The following AGBL4 variants were observed in gnomAD, a reference collection of about 807,000 sequenced individuals.
The protein encoded by AGBL4 is cytosolic carboxypeptidase 6.
A neutral mutation model predicts 66.4 loss-of-function variants in AGBL4; 58 were observed. That is an observed-to-expected ratio of 0.87 (90% confidence interval 0.71 to 1.09). AGBL4 has a LOEUF of 1.09. Among genes scored for constraint, AGBL4 ranks in the 50% least tolerant of loss-of-function variants. The pLI is 0.00. For synonymous variants in AGBL4, 234 were observed against 222.9 expected (o/e 1.05, Z -0.44); for missense variants, 579 against 631.0 (o/e 0.92, Z 0.88).
chr1:49,124,624 C>T lies in AGBL4; in HGVS notation c.378-78824G>A, dbSNP rs183798216. Reference sequence around the variant, plus strand: ...GTGTGACCCTAGGCAAGTCACCCTTCTGAAACTAGTTTCTTCATGTATCAA... The same window carrying T: ...GTGTGACCCTAGGCAAGTCACCCTTTTGAAACTAGTTTCTTCATGTATCAA... On this transcript the variant is annotated intron_variant, in intron 4 of 13. Transcript: ENST00000371839. Among the ~76,000 whole-genome samples, 32 of 152,298 alleles carry T rather than the reference C, an allele frequency of 2.1e-4. 1 individual carries two copies. The East Asian group carries it at 2.5e-3, about 12-fold the overall frequency.
In AGBL4 at chr1:48,586,945, A is replaced by G. The variant is rs377438654; in HGVS notation, c.1267+59T>C. The G allele has an allele frequency of 2.5e-5, 40 of 1,601,802 alleles. No homozygotes were observed. In the African/African-American group the frequency reaches 5.2e-4, roughly 21 times the overall value. On this transcript the variant is annotated intron_variant, in intron 11 of 13. Coordinates refer to ENST00000371839, the MANE Select transcript of AGBL4 (RefSeq NM_032785.4). ...GGGGGCCTAATTCCTGACCTGTCAG[A>G]CTTGGATACTCTCGGCTGGATGAGG... is the stretch of plus-strand genomic sequence containing the variant.
At chr1:49,143,317 TG>T (rs2148101020) in intron 4 of AGBL4, among the ~76,000 whole-genome samples, 1 of 152,298 alleles carries the variant, frequency 6.6e-6, no homozygotes, top group South Asian at 2.1e-4. Flanking sequence ...CATCTCCTCA[TG>T]AATATTTCAA....
intron 5 of AGBL4, among the ~76,000 whole-genome samples, chr1:49,013,265 G>T (rs1662584390): frequency 1.3e-5 from 2 of 152,192 alleles, no homozygotes; most frequent in Admixed American, 6.5e-5. Context: ...TATCCTGGGG[G>T]TGTCCAGGAA....
chr1:48,955,105 C>T (rs544015997), intron 5 of AGBL4, among the ~76,000 whole-genome samples: 3 of 152,284 alleles, frequency 2.0e-5, no homozygotes, highest in South Asian at 4.1e-4. Flanking sequence ...TATACACATG[C>T]TTCAAGCTTA....
chr1:48,749,970 A>G (rs1225187082), intron 6 of AGBL4, among the ~76,000 whole-genome samples: 2 of 152,204 alleles, frequency 1.3e-5, no homozygotes, highest in Non-Finnish European at 2.9e-5. Flanking sequence ...GGCTGCTCCC[A>G]GTTTCCTGAG....
In AGBL4 at chr1:49,745,929, C is replaced by G. The variant is rs369753270; in HGVS notation, c.158-48492G>C. ...CTGTACCCCAAAACAGGAGAACACA[C>G]AATCAGTTCAGATGAACACAAAACA... On this transcript the variant is annotated intron_variant, in intron 2 of 13. Coordinates refer to ENST00000371839, the MANE Select transcript of AGBL4 (RefSeq NM_032785.4). Among the ~76,000 whole-genome samples, 240 of 152,108 alleles carry G rather than the reference C, an allele frequency of 1.6e-3. 1 individual carries two copies. The highest frequency in any genetic ancestry group is 4.9e-3 in the African/African-American group (205 of 41,546).
intron 6 of AGBL4, among the ~76,000 whole-genome samples, chr1:48,743,179 G>A (rs1015013784): frequency 3.9e-5 from 6 of 152,242 alleles, no homozygotes; most frequent in South Asian, 2.1e-4. Flanking sequence ...GGAGAAGGCC[G>A]TAACAGAAGA....
intron 4 of AGBL4, among the ~76,000 whole-genome samples, chr1:49,240,951 G>A (rs1651180943): frequency 6.6e-6 from 1 of 151,774 alleles, no homozygotes; most frequent in Non-Finnish European, 1.5e-5. Context: ...CCCTTCTGTT[G>A]TTCATGCCAG....
At chr1:48,633,374 G>T (rs1247011750) in intron 9 of AGBL4, among the ~76,000 whole-genome samples, 1 of 152,164 alleles carries the variant, frequency 6.6e-6, no homozygotes, top group East Asian at 1.9e-4. Flanking sequence ...TTACATTGGT[G>T]CATCTCTGAA....
At chr1:48,925,866 T>C (rs1215976756) in intron 5 of AGBL4, among the ~76,000 whole-genome samples, 2 of 152,166 alleles carry the variant, frequency 1.3e-5, no homozygotes, top group Non-Finnish European at 2.9e-5. Context: ...TGTAACTGTA[T>C]AGAAGTTTTT....
intron 4 of AGBL4, among the ~76,000 whole-genome samples, chr1:49,163,488 T>C (rs887471871): frequency 1.3e-5 from 2 of 152,240 alleles, no homozygotes; most frequent in Non-Finnish European, 1.5e-5. Flanking sequence ...ATTTTTATGG[T>C]TGACCACATT....
chr1:49,999,499 T>C (rs1463337951), intron 1 of AGBL4, among the ~76,000 whole-genome samples: 2 of 152,090 alleles, frequency 1.3e-5, no homozygotes, highest in African/African-American at 4.8e-5. Flanking sequence ...AAACTGACCA[T>C]AGTGCCAAAA....
chr1:49,853,493 G>A (rs1182206802), intron 1 of AGBL4, among the ~76,000 whole-genome samples: 1 of 152,062 alleles, frequency 6.6e-6, no homozygotes, highest in African/African-American at 2.4e-5. Context: ...GCATCCAAGA[G>A]CTGTGGAACA....
intron 6 of AGBL4, among the ~76,000 whole-genome samples, chr1:48,681,149 T>C (rs537201321): frequency 1.3e-5 from 2 of 152,330 alleles, no homozygotes; most frequent in South Asian, 2.1e-4. Context: ...TCCTCTGGTA[T>C]ACTATCTGGC....
At chr1:48,838,761 TG>T (rs1468382681) in intron 6 of AGBL4, among the ~76,000 whole-genome samples, 1 of 151,482 alleles carries the variant, frequency 6.6e-6, no homozygotes, top group African/African-American at 2.4e-5. Context: ...AACTACAGAG[TG>T]GGGGAAAATA....
At chr1:49,178,454 C>T (rs893198989) in intron 4 of AGBL4, among the ~76,000 whole-genome samples, 2 of 152,128 alleles carry the variant, frequency 1.3e-5, no homozygotes, top group Non-Finnish European at 2.9e-5. Flanking sequence ...GGTTCCATTA[C>T]CCCTTGCACA....
chr1:48,956,480 T>C (rs1034244283), intron 5 of AGBL4, among the ~76,000 whole-genome samples: 2 of 152,184 alleles, frequency 1.3e-5, no homozygotes, highest in African/African-American at 4.8e-5. Flanking sequence ...AAGAACCTCA[T>C]ACCTTTCTTT....
At chr1:49,190,768 CAT>C (rs1239803291) in intron 4 of AGBL4, among the ~76,000 whole-genome samples, 2 of 152,114 alleles carry the variant, frequency 1.3e-5, no homozygotes, top group Non-Finnish European at 2.9e-5. Context: ...CAGGCTCACA[CAT>C]ATTATATGTG....
At chr1:48,604,061 A>C (rs1645116435) in intron 9 of AGBL4, among the ~76,000 whole-genome samples, 1 of 152,172 alleles carries the variant, frequency 6.6e-6, no homozygotes, top group Non-Finnish European at 1.5e-5. Context: ...TGAACCCAGG[A>C]GACGGAGGTT....
Sources: gnomAD v4.1 joint callset for allele counts (sites outside exome capture counted in the v4.1 genomes callset) on GRCh38, gnomAD v4.1.1 for gene constraint, MANE v1.5 for transcripts, NCBI Gene and HGNC (gene_info 2026-07-23, HGNC 2026-07-21) for gene names.